Variants in RBFOX1 observed in about 807,000 individuals in gnomAD.
The protein encoded by RBFOX1 is RNA binding fox-1 homolog 1.
In RBFOX1, 8 loss-of-function variants were observed where a neutral mutation model predicts 57.7. That is an observed-to-expected ratio of 0.14 (90% CI 0.08 to 0.25). The LOEUF (loss-of-function observed/expected upper bound fraction) is 0.25. RBFOX1 is among the 10% of genes least tolerant of loss of function. RBFOX1 has a pLI of 1.00. For synonymous variants in RBFOX1, 326 were observed against 222.4 expected, an observed-to-expected ratio of 1.47 and a Z score of -4.15; for missense variants, 611 against 548.5, an observed-to-expected ratio of 1.11 and a Z score of -1.14.
At chr16:6,905,891 G>A (rs1312548325) in intron 3 of RBFOX1, among the ~76,000 whole-genome samples, 3 of 152,214 alleles carry the variant, frequency 2.0e-5, no homozygotes, top group Admixed American at 6.5e-5. Context: ...AGCAAAGTGA[G>A]TGTCCACAGG....
chr16:5,272,338 T>C (rs2063032817), intron 1 of RBFOX1, among the ~76,000 whole-genome samples: 1 of 152,208 alleles, frequency 6.6e-6, no homozygotes, highest in East Asian at 1.9e-4. Context: ...ACAATTATGA[T>C]TTGTCAATTA....
chr16:7,680,983 G>C (rs1369233645), intron 14 of RBFOX1, among the ~76,000 whole-genome samples: 2 of 152,114 alleles, frequency 1.3e-5, no homozygotes, highest in Admixed American at 1.3e-4. Flanking sequence ...AATGCAAAGA[G>C]ACCAGGGCTT....
chr16:6,860,479 T>G (rs1244162826), intron 3 of RBFOX1, among the ~76,000 whole-genome samples: 1 of 152,196 alleles, frequency 6.6e-6, no homozygotes. Context: ...AAGAGTATAT[T>G]GATGCACCTG....
chr16:5,790,082 T>C (rs568916314), intron 3 of RBFOX1, among the ~76,000 whole-genome samples: 11 of 152,236 alleles, frequency 7.2e-5, no homozygotes, highest in Non-Finnish European at 1.5e-4. Context: ...TCCAGGCTGC[T>C]ACCACTCAGC....
intron 1 of RBFOX1, among the ~76,000 whole-genome samples, chr16:5,295,804 G>A (rs1042575027): frequency 6.6e-6 from 1 of 152,162 alleles, no homozygotes; most frequent in African/African-American, 2.4e-5. Context: ...CATTAACAGG[G>A]AAGAGGTTGT....
rs115019192 is a variant in RBFOX1, at chr16:5,464,225, G to A, written c.220-2991G>A. On this transcript the variant is annotated intron_variant, in intron 1 of 2. Transcript: ENST00000585867. ...TGTGGAGAGGCCAAGAGGATGGTCC[G>A]TTGAGTCTGGTGCTCAGGAGAGCAG... Among the ~76,000 whole-genome samples, 1,099 of 152,320 alleles carry A rather than the reference G, an allele frequency of 7.2e-3. 9 individuals carry two copies. Among genetic ancestry groups the A allele is most frequent in the African/African-American group, 0.023 (955 of 41,566 alleles).
At chr16:5,952,690 C>T (rs1484049561) in intron 4 of RBFOX1, among the ~76,000 whole-genome samples, 1 of 152,140 alleles carries the variant, frequency 6.6e-6, no homozygotes, top group South Asian at 2.1e-4. Context: ...TTCAGAATGC[C>T]GTGTGGTGTG....
At chr16:6,339,483 T>C (rs1021238456) in intron 2 of RBFOX1, among the ~76,000 whole-genome samples, 1 of 152,090 alleles carries the variant, frequency 6.6e-6, no homozygotes, top group Non-Finnish European at 1.5e-5. Context: ...GGCTAAAATG[T>C]GGAGATCATT....
chr16:5,870,196 A>G (rs1052059478), intron 4 of RBFOX1, among the ~76,000 whole-genome samples: 1 of 150,508 alleles, frequency 6.6e-6, no homozygotes, highest in Non-Finnish European at 1.5e-5. Context: ...CTCTGATGAT[A>G]AAAGTAGCAA....
At chr16:7,017,489 T>C (rs1020430547) in intron 3 of RBFOX1, among the ~76,000 whole-genome samples, 2 of 152,176 alleles carry the variant, frequency 1.3e-5, no homozygotes, top group Admixed American at 6.5e-5. Flanking sequence ...TTGTAAAATA[T>C]AGCCAGATAC....
At chr16:5,321,255 G>A (rs1250330960) in intron 1 of RBFOX1, among the ~76,000 whole-genome samples, 1 of 152,096 alleles carries the variant, frequency 6.6e-6, no homozygotes, top group African/African-American at 2.4e-5. Flanking sequence ...CTGAGGGGTG[G>A]GAGTGAGAAG....
In RBFOX1 at chr16:5,531,239, T is replaced by G. The variant is rs1011770404; in HGVS notation, c.258+63985T>G. Among the ~76,000 whole-genome samples, 6 of 151,838 alleles carry G rather than the reference T, an allele frequency of 4.0e-5. No individual in the cohort carries two copies. The South Asian group carries it at 1.0e-3, about 26-fold the overall frequency. On this transcript the variant is annotated intron_variant, in intron 2 of 2. Transcript: ENST00000585867. ...TCAGCCCACCTCAGGCACTCTGGGG[T>G]GGGTTGTGGCTCCAGCAAAGGGATG... is the stretch of plus-strand genomic sequence containing the variant.
intron 4 of RBFOX1, among the ~76,000 whole-genome samples, chr16:7,114,840 A>G (rs13331885): frequency 0.22 from 33,939 of 152,098 alleles, 4,018 homozygotes; most frequent in East Asian, 0.43. Flanking sequence ...CATGAAGCCA[A>G]ATCGTAAAGG....
At chr16:5,310,980 A>G (rs1186326625) in intron 1 of RBFOX1, among the ~76,000 whole-genome samples, 1 of 152,072 alleles carries the variant, frequency 6.6e-6, no homozygotes, top group Non-Finnish European at 1.5e-5. Context: ...GTAGTTTCTT[A>G]TTCCTCACCC....
chr16:7,509,426 G>GTC (rs376355769), intron 4 of RBFOX1, among the ~76,000 whole-genome samples: 2,964 of 146,344 alleles, frequency 0.02, 82 homozygotes, highest in African/African-American at 0.063. Context: ...GTGTGTGTGT[G>GTC]TGTGTCTGTG....
intron 4 of RBFOX1, among the ~76,000 whole-genome samples, chr16:7,266,368 C>A (rs2095142969): frequency 6.6e-6 from 1 of 152,198 alleles, no homozygotes; most frequent in African/African-American, 2.4e-5. Flanking sequence ...TCTGCTCTTT[C>A]CTCACTTTCC....
chr16:7,353,475 T>A lies in RBFOX1; in HGVS notation c.28-164672T>A, dbSNP rs531096861. Among the ~76,000 whole-genome samples, 4 of 152,276 alleles carry A rather than the reference T, an allele frequency of 2.6e-5. No homozygotes were observed. In the East Asian group the frequency reaches 7.7e-4, roughly 29 times the overall value. On this transcript the variant is annotated intron_variant, in intron 4 of 15. Transcript: ENST00000550418. ...GCTCCTAGGTATATATTCAAGATAATTAAAAACATATGTGTACACAAAAAC... is the reference window on the plus strand; with the variant it reads ...GCTCCTAGGTATATATTCAAGATAAATAAAAACATATGTGTACACAAAAAC...
intron 1 of RBFOX1, among the ~76,000 whole-genome samples, chr16:6,124,681 GT>G (rs1211264554): frequency 2.0e-5 from 3 of 151,752 alleles, no homozygotes; most frequent in Non-Finnish European, 4.4e-5. Context: ...TGTTGTTGTT[GT>G]TTTTTGTTTG....
At chr16:6,765,332 C>T (rs1320727521) in intron 3 of RBFOX1, among the ~76,000 whole-genome samples, 2 of 152,072 alleles carry the variant, frequency 1.3e-5, no homozygotes, top group Non-Finnish European at 2.9e-5. Context: ...TTCTGTCTAC[C>T]ACTGGAAATA....
Sources: allele counts gnomAD v4.1 joint callset (sites outside exome capture counted in the v4.1 genomes callset), GRCh38; gene constraint gnomAD v4.1.1; transcripts MANE v1.5; gene names NCBI Gene and HGNC (gene_info 2026-07-23, HGNC 2026-07-21).